Variants in PIEZO2 observed in about 807,000 individuals in gnomAD.
PIEZO2 encodes the protein piezo-type mechanosensitive ion channel component 2.
Under a neutral mutation model 337.3 loss-of-function variants are expected in PIEZO2, and 172 were observed. The ratio of observed to expected loss-of-function variants is 0.51; its 90% CI spans 0.45 to 0.58. The LOEUF (loss-of-function observed/expected upper bound fraction) is 0.58, where lower values mean the gene tolerates loss of function less well. PIEZO2 is among the 20% of genes least tolerant of loss of function. PIEZO2 has a pLI of 0.00. For synonymous variants in PIEZO2, 1,251 were observed against 1,228.5 expected (o/e 1.02, Z -0.38); for missense variants, 3,028 against 3,391.3 (o/e 0.89, Z 2.66).
intron 1 of PIEZO2, among the ~76,000 whole-genome samples, chr18:11,084,807 C>G (rs1431254189): frequency 1.3e-5 from 2 of 152,218 alleles, no homozygotes; most frequent in African/African-American, 4.8e-5. Flanking sequence ...CTCCCAGGAT[C>G]AGCTTTCTAG....
intron 2 of PIEZO2, among the ~76,000 whole-genome samples, chr18:11,062,039 T>C (rs2037980987): frequency 6.6e-6 from 1 of 152,132 alleles, no homozygotes; most frequent in African/African-American, 2.4e-5. Context: ...CAAAACAGCA[T>C]GGTACTGGTA....
At chr18:11,085,307 A>C (rs9303720) in intron 1 of PIEZO2, among the ~76,000 whole-genome samples, 67,449 of 151,790 alleles carry the variant, frequency 0.44, 15,672 homozygotes, top group South Asian at 0.61. Flanking sequence ...GACCCTTTAA[A>C]ATCTGGACAA....
chr18:11,022,442 C>T (rs1342096109), intron 2 of PIEZO2, among the ~76,000 whole-genome samples: 2 of 152,214 alleles, frequency 1.3e-5, no homozygotes, highest in Admixed American at 6.5e-5. Flanking sequence ...GAAACAGACA[C>T]TGATTGTCTC....
rs557288488 is a variant in PIEZO2 at position 10,762,624 on chromosome 18, G to T, written c.3125C>A (p.Pro1042Gln). ...PENFSVNCSLPNENQTNIPFN... is the reference protein window; with the variant it reads ...PENFSVNCSLQNENQTNIPFN... Reference sequence around the variant, plus strand: ...GGGGATGTTTGTTTGATTTTCATTTGGCTAAAAAGAAGAGAAAATGGAGTA... The same window carrying T: ...GGGGATGTTTGTTTGATTTTCATTTTGCTAAAAAGAAGAGAAAATGGAGTA... Residue 1042 changes from proline (P) to glutamine (Q), a missense_variant and splice_region_variant, in exon 23 of 56, where the codon CCA (proline) becomes CAA (glutamine). This residue lies in a region of PIEZO2 where 1,925 missense variants were observed against 2,051.9 expected (regional missense o/e 0.94). Transcript: ENST00000674853. 1 of 1,535,380 alleles carries T rather than the reference G, an allele frequency of 6.5e-7. No homozygotes were observed. Among genetic ancestry groups the T allele is most frequent in the Non-Finnish European group, 8.7e-7 (1 of 1,146,400 alleles).
intron 14 of PIEZO2, among the ~76,000 whole-genome samples, chr18:10,789,741 C>A (rs1389985286): frequency 6.6e-6 from 1 of 152,028 alleles, no homozygotes; most frequent in Non-Finnish European, 1.5e-5. Context: ...CTAGACAATC[C>A]AAATAGTACT....
intron 3 of PIEZO2, among the ~76,000 whole-genome samples, chr18:10,960,445 G>T (rs1017088142): frequency 1.7e-4 from 26 of 152,022 alleles, no homozygotes; most frequent in African/African-American, 6.3e-4. Flanking sequence ...CATGAAGAGT[G>T]AGATACCCAA....
In PIEZO2 at chr18:10,899,443, T is replaced by C. The variant is rs979867361; in HGVS notation, c.329+11743A>G. Among the ~76,000 whole-genome samples the C allele has an allele frequency of 1.3e-5, 2 of 152,354 alleles. No individual in the cohort carries two copies. The highest frequency in any genetic ancestry group is 4.1e-4 in the South Asian group (2 of 4,826). Reference sequence around the variant, plus strand: ...CACCTAATAAAAGCTGTCATTTTAATTGAGCAGTAATGTCTTTGTCTCCAG... The same window carrying C: ...CACCTAATAAAAGCTGTCATTTTAACTGAGCAGTAATGTCTTTGTCTCCAG... On this transcript the variant is annotated intron_variant, in intron 4 of 55. Transcript: ENST00000674853. The surrounding 1 kb of genome is among the most constrained non-coding windows in gnomAD (Gnocchi z 4.6).
chr18:10,696,378 T>G lies in PIEZO2; in HGVS notation c.6975+14A>C. On this transcript the variant is annotated intron_variant, in intron 46 of 55. Transcript: ENST00000674853. ...TGGGTCAGGGCGGGTGCTGTGGCCTTTGCCCCAACCTACCCCAAAGGCCCA... is the reference window on the plus strand; with the variant it reads ...TGGGTCAGGGCGGGTGCTGTGGCCTGTGCCCCAACCTACCCCAAAGGCCCA... 6.2e-7 allele frequency: 1 copy of G among 1,614,154 alleles called. No individual in the cohort carries two copies. The highest frequency in any genetic ancestry group is 1.3e-5 in the African/African-American group (1 of 75,048).
rs750883511 is a variant in PIEZO2, at chr18:10,671,573, C to T, written c.8552G>A (p.Arg2851His). Residue 2851 changes from arginine (R) to histidine (H), a missense_variant, in exon 56 of 56, where the codon CGC (arginine) becomes CAC (histidine). Arg to His is a conservative substitution (Grantham distance 29). This residue lies in a region of PIEZO2 where 332 missense variants were observed against 363.8 expected (regional missense o/e 0.91). Coordinates refer to ENST00000674853, the MANE Select transcript of PIEZO2 (RefSeq NM_001378183.1). ...CCATTTGATCATTGTCTCTGGTGAGCGATATAGGAATATTAATTTGGCATA... is the reference window on the plus strand; with the variant it reads ...CCATTTGATCATTGTCTCTGGTGAGTGATATAGGAATATTAATTTGGCATA... ...DLYAKLIFLY[R>H]SPETMIKWTR... The T allele has an allele frequency of 3.1e-6, 5 of 1,613,300 alleles. No individual in the cohort carries two copies. Among genetic ancestry groups the T allele is most frequent in the African/African-American group, 1.3e-5 (1 of 74,868 alleles).
At position 11,069,948 on chromosome 18, in the gene PIEZO2, T is replaced by G. The variant is rs2038279770; in HGVS notation, c.65-3726A>C. 6.6e-6 allele frequency among the ~76,000 whole-genome samples: 1 copy of G among 152,108 alleles called. No individual in the cohort carries two copies. Among genetic ancestry groups the G allele is most frequent in the Non-Finnish European group, 1.5e-5 (1 of 68,016 alleles). On this transcript the variant is annotated intron_variant, in intron 1 of 55. Transcript: ENST00000674853. This position sits in a 1 kb window ranked among gnomAD's most constrained non-coding sequence, Gnocchi z 4.9. ...GCTACAAATAATACTTAGAAATAAA[T>G]CTAACCAAGGAGGTGAAAGACCTAT... is the stretch of plus-strand genomic sequence containing the variant.
chr18:10,807,401 A>C, intron 7 of PIEZO2, 127 bp from the exon 8 acceptor site: 1 of 776,962 alleles, frequency 1.3e-6, no homozygotes, highest in Non-Finnish European at 2.0e-6. Flanking sequence ...TATTGTAGAT[A>C]TTTCAATTAC....
At chr18:11,091,989 C>T (rs573826289) in intron 1 of PIEZO2, among the ~76,000 whole-genome samples, 25 of 152,288 alleles carry the variant, frequency 1.6e-4, no homozygotes, top group East Asian at 5.8e-4. Flanking sequence ...GGTTTCCCCA[C>T]GCTATTAGTG....
At chr18:11,147,892 G>T (rs2040848478) in intron 1 of PIEZO2, among the ~76,000 whole-genome samples, 1 of 152,254 alleles carries the variant, frequency 6.6e-6, no homozygotes, top group Admixed American at 6.5e-5. Flanking sequence ...TGGAGAGGGC[G>T]GCCGCTGGGA....
At chr18:11,134,006 G>A (rs1043244136) in intron 1 of PIEZO2, among the ~76,000 whole-genome samples, 20 of 152,096 alleles carry the variant, frequency 1.3e-4, no homozygotes, top group Non-Finnish European at 2.8e-4. Context: ...TATAGGGCAA[G>A]TTAAGGATTT....
intron 2 of PIEZO2, among the ~76,000 whole-genome samples, chr18:11,018,587 G>C (rs562968364): frequency 2.6e-5 from 4 of 152,082 alleles, no homozygotes; most frequent in Admixed American, 1.3e-4. Flanking sequence ...GCCACTGAAC[G>C]GTGGGTGACA....
rs2036727077 is a variant in PIEZO2, at chr18:11,031,223, T to C, written c.160+34904A>G. Among the ~76,000 whole-genome samples the C allele has an allele frequency of 1.3e-5, 2 of 151,522 alleles. No individual in the cohort carries two copies. The highest frequency in any genetic ancestry group is 4.9e-5 in the African/African-American group (2 of 41,230). ...ACCGTGTTAGCCAGGATGGTCTCAATCTCCTGACCTCGTGATCCACCCACC... is the reference window on the plus strand; with the variant it reads ...ACCGTGTTAGCCAGGATGGTCTCAACCTCCTGACCTCGTGATCCACCCACC... On this transcript the variant is annotated intron_variant, in intron 2 of 55. Transcript: ENST00000674853. The surrounding 1 kb of genome is among the most constrained non-coding windows in gnomAD (Gnocchi z 4.7).
At chr18:11,066,329 A>T in intron 1 of PIEZO2, 107 bp from the exon 2 acceptor site, 1 of 747,958 alleles carries the variant, frequency 1.3e-6, no homozygotes, top group Non-Finnish European at 2.2e-6. Context: ...TGGATCAAAC[A>T]GTGTCACTTC....
chr18:10,991,608 T>C (rs1354539522), intron 2 of PIEZO2, among the ~76,000 whole-genome samples: 2 of 152,172 alleles, frequency 1.3e-5, no homozygotes, highest in African/African-American at 4.8e-5. Context: ...TATGTCCACA[T>C]TTTCTTTATC....
chr18:10,752,023 C>T (rs1442788532), intron 28 of PIEZO2, among the ~76,000 whole-genome samples: 3 of 152,110 alleles, frequency 2.0e-5, no homozygotes, highest in Non-Finnish European at 4.4e-5. Flanking sequence ...GTCCCTCAAC[C>T]GTACATTGCT....
Sources: gnomAD v4.1 joint callset for allele counts (sites outside exome capture counted in the v4.1 genomes callset) on GRCh38, gnomAD v4.1.1 for gene constraint, gnomAD v4.1.1 regional missense constraint, Gnocchi (gnomAD v3.1) non-coding constraint, MANE v1.5 for transcripts, NCBI Gene and HGNC (gene_info 2026-07-23, HGNC 2026-07-21) for gene names.